Variants in PNKD observed in about 807,000 individuals in gnomAD.
PNKD encodes the protein PNKD metallo-beta-lactamase domain containing, also known as probable thioesterase PNKD.
In PNKD, 36 loss-of-function variants were observed where a neutral mutation model predicts 45.3. The ratio of observed to expected loss-of-function variants is 0.80; its 90% CI spans 0.61 to 1.05. The LOEUF is 1.05. Ranked by LOEUF, PNKD falls within the 50% of genes least tolerant of loss-of-function variation. PNKD has a pLI of 0.00. For missense variants in PNKD, 511 were observed against 506.6 expected, an observed-to-expected ratio of 1.01 and a Z score of -0.08; for synonymous variants, 197 against 210.1, an observed-to-expected ratio of 0.94 and a Z score of 0.54.
chr2:218,272,713 C>G, intron 2 of PNKD: 4 of 1,614,188 alleles, frequency 2.5e-6, no homozygotes, highest in Non-Finnish European at 3.4e-6. Context: ...TTCAGGGCTT[C>G]CTCCCAGAGT....
At chr2:218,272,271 GTGC>G (rs956968317) in intron 2 of PNKD, among the ~76,000 whole-genome samples, 1 of 152,220 alleles carries the variant, frequency 6.6e-6, no homozygotes, top group African/African-American at 2.4e-5. Flanking sequence ...TGCAGGGCTC[GTGC>G]TGAGGATCAG....
intron 2 of PNKD, among the ~76,000 whole-genome samples, chr2:218,297,871 G>T (rs1195253143): frequency 6.6e-6 from 1 of 150,906 alleles, no homozygotes; most frequent in South Asian, 2.1e-4. Flanking sequence ...GATGGCAGGC[G>T]CCTGTGGTCC....
chr2:218,304,130 T>C (rs1169843740), intron 2 of PNKD, among the ~76,000 whole-genome samples: 1 of 152,080 alleles, frequency 6.6e-6, no homozygotes, highest in Non-Finnish European at 1.5e-5. Flanking sequence ...CCCCTATCAG[T>C]TGGGCCTGTC....
intron 2 of PNKD, among the ~76,000 whole-genome samples, chr2:218,273,633 G>A (rs1472905046): frequency 2.0e-5 from 3 of 148,674 alleles, no homozygotes; most frequent in Non-Finnish European, 3.0e-5. Context: ...GGCACTCACC[G>A]CCACTCCCAG....
chr2:218,277,716 A>C (rs1012501774), intron 2 of PNKD: 5 of 1,612,600 alleles, frequency 3.1e-6, no homozygotes, highest in Non-Finnish European at 2.5e-6. Flanking sequence ...AAAAGGAAGG[A>C]AGGCAGGGTG....
intron 8 of PNKD, 133 bp downstream of exon 8, chr2:218,343,719 CTAGGGG>C: frequency 1.4e-6 from 1 of 709,948 alleles, no homozygotes; most frequent in Non-Finnish European, 2.5e-6. Context: ...AGCTCCACCT[CTAGGGG>C]TAGGGACAGA....
rs766855805 is a variant in PNKD, at chr2:218,281,894, G to T, written c.236+10345G>T. 2.7e-6 allele frequency: 4 copies of T among 1,495,896 alleles called. No individual in the cohort carries two copies. In the African/African-American group the frequency reaches 5.6e-5, roughly 21 times the overall value. 92.7% of individuals were successfully genotyped at this position (1,495,896 alleles called of 1,614,324 possible). A position where few individuals can be genotyped will look rare whatever the true frequency, so the allele number is the denominator to read the frequency against. ...GAGGCGGTGGCCTCATCTGCTCCAA[G>T]TGCTGTCCCTCCCACCCACCTTCCA... On this transcript the variant is annotated intron_variant, in intron 2 of 9. Coordinates refer to ENST00000273077, the MANE Select transcript of PNKD (RefSeq NM_015488.5).
intron 2 of PNKD, chr2:218,278,095 G>A: frequency 8.4e-7 from 1 of 1,193,654 alleles, no homozygotes; most frequent in Non-Finnish European, 1.2e-6. Context: ...CTCCAAGGAG[G>A]GAGGTTGGCA....
At chr2:218,287,506 A>C (rs912021245) in intron 2 of PNKD, among the ~76,000 whole-genome samples, 2 of 152,000 alleles carry the variant, frequency 1.3e-5, no homozygotes, top group African/African-American at 4.8e-5. Flanking sequence ...TCAGGAGATC[A>C]AGACCATCGT....
At chr2:218,279,032 A>T in intron 2 of PNKD, 1 of 1,613,996 alleles carries the variant, frequency 6.2e-7, no homozygotes, top group Non-Finnish European at 8.5e-7. Flanking sequence ...AGGAGCACAC[A>T]CTCACTAGGA....
rs537486828 is a variant in PNKD at position 218,338,997 on chromosome 2, A to G, written c.237-786A>G. Among the ~76,000 whole-genome samples the G allele has an allele frequency of 2.3e-4, 35 of 150,292 alleles. No individual in the cohort carries two copies. The South Asian group carries it at 6.1e-3, about 26-fold the overall frequency. On this transcript the variant is annotated intron_variant, in intron 2 of 9. Coordinates refer to ENST00000273077, the MANE Select transcript of PNKD (RefSeq NM_015488.5). ...GTGTGTAGAGACCCTATAGGGCACA[A>G]TGTTGCCCAGGCTGGTCTCGAACTC...
chr2:218,321,841 T>C (rs1457205756), intron 2 of PNKD, among the ~76,000 whole-genome samples: 1 of 151,634 alleles, frequency 6.6e-6, no homozygotes, highest in African/African-American at 2.4e-5. Context: ...TTAGCCAGGA[T>C]GGTCTCGATC....
chr2:218,291,788 T>G (rs1692944828), intron 2 of PNKD, among the ~76,000 whole-genome samples: 1 of 150,622 alleles, frequency 6.6e-6, no homozygotes, highest in South Asian at 2.1e-4. Flanking sequence ...ACGAGGAGGA[T>G]GTTACTCCCC....
chr2:218,341,715 CA>C, intron 6 of PNKD, 89 bp downstream of exon 6: 1 of 1,026,578 alleles, frequency 9.7e-7, no homozygotes, highest in Non-Finnish European at 1.5e-6. Context: ...GGGGTATCAG[CA>C]GGTGGATCTT....
At chr2:218,273,294 G>C (rs142769480) in intron 2 of PNKD, among the ~76,000 whole-genome samples, 1 of 151,944 alleles carries the variant, frequency 6.6e-6, no homozygotes. Context: ...TTTTTGAGAC[G>C]GAGTCTCGCT....
chr2:218,294,490 C>G lies in PNKD; in HGVS notation c.236+22941C>G, dbSNP rs575185647. 5.3e-5 allele frequency among the ~76,000 whole-genome samples: 8 copies of G among 152,300 alleles called. No homozygotes were observed. The South Asian group carries it at 1.0e-3, about 20-fold the overall frequency. On this transcript the variant is annotated intron_variant, in intron 2 of 9. Coordinates refer to ENST00000273077, the MANE Select transcript of PNKD (RefSeq NM_015488.5). The stretch of plus-strand genomic sequence containing the variant: ...GAAGGAACAAACAGACACCGCCCCC[C>G]CACCAGCCTTCCTTTTTTTTGAGAT...
intron 2 of PNKD, among the ~76,000 whole-genome samples, chr2:218,325,624 G>A (rs1694128772): frequency 6.6e-6 from 1 of 152,130 alleles, no homozygotes; most frequent in South Asian, 2.1e-4. Context: ...GTAAGTTTGA[G>A]GTCATACAAA....
Position 218,345,194 on chromosome 2 carries a change from C to G in PNKD, c.*213C>G, listed in dbSNP as rs1170631173. 28 of 580,702 alleles carry G rather than the reference C, an allele frequency of 4.8e-5. No individual in the cohort carries two copies. Among genetic ancestry groups the G allele is most frequent in the Non-Finnish European group, 3.7e-5 (12 of 327,192 alleles). 36.0% of individuals were successfully genotyped at this position (580,702 alleles called of 1,614,324 possible). On this transcript the variant is annotated 3_prime_UTR_variant, in exon 10 of 10. Transcript: ENST00000273077. ...GTTGGAGGCTGGGAACCCCGCAGCG[C>G]GAGGCTGCCTCATCAACGGCAAGAG...
chr2:218,344,511 C>T lies in PNKD; in HGVS notation c.925C>T (p.Leu309=). ...GFAGVVEPEN[L]ARERKMQWVQ... ...TGCAGGTGTGGTGGAGCCCGAGAAC[C>T]TGGCCCGGGAGAGGAAGATGCAGTG... The change falls in exon 9 of 10, where the codon CTG becomes TTG. Residue 309 remains leucine (L), a synonymous_variant. Transcript: ENST00000273077. The T allele has an allele frequency of 1.9e-6, 3 of 1,593,382 alleles. No individual in the cohort carries two copies. The highest frequency in any genetic ancestry group is 2.6e-6 in the Non-Finnish European group (3 of 1,169,858).
Sources: allele counts gnomAD v4.1 joint callset (sites outside exome capture counted in the v4.1 genomes callset), GRCh38; gene constraint gnomAD v4.1.1; transcripts MANE v1.5; gene names NCBI Gene and HGNC (gene_info 2026-07-23, HGNC 2026-07-21).